Variants in SH2B2 observed in about 807,000 individuals in gnomAD.
The protein encoded by SH2B2 is SH2B adapter protein 2.
SH2B2 carries 37 observed loss-of-function variants against 35.7 expected under a neutral mutation model. That is an observed-to-expected ratio of 1.04 (90% CI 0.80 to 1.36). The LOEUF (loss-of-function observed/expected upper bound fraction) is 1.36. SH2B2 is among the 40% of genes most tolerant of loss of function. SH2B2 has a pLI of 0.00. For synonymous variants in SH2B2, 383 were observed against 376.4 expected, an observed-to-expected ratio of 1.02 and a Z score of -0.20; for missense variants, 852 against 817.7, an observed-to-expected ratio of 1.04 and a Z score of -0.51.
chr7:102,300,817 C>A lies in SH2B2; in HGVS notation c.267C>A (p.Gly89=). Residue 89 remains glycine, a synonymous_variant, in exon 2 of 9, where the codon GGC becomes GGA. Transcript: ENST00000444095. The part of the protein sequence containing the change: ...RVLVAGPTTR[G]AAVSAEAMEP... ...TGGTGGCTGGGCCGACGACTCGGGG[C>A]GCGGCCGTGAGCGCAGAGGCCATGG... The A allele has an allele frequency of 6.8e-7, 1 of 1,481,170 alleles. No individual in the cohort carries two copies. The highest frequency in any genetic ancestry group is 2.4e-5 in the Admixed American group (1 of 42,112). The allele number at this position is 1,481,170 out of a possible 1,614,324, so 91.8% of individuals were successfully genotyped here.
chr7:102,314,681 A>C lies in SH2B2; in HGVS notation c.1185A>C (p.Thr395=). ...PGGSGSDSNN[T]GEQGAETDPE... Reference sequence around the variant, plus strand: ...GCAGCGGCAGTGACAGCAATAACACAGGTGCCAGTGGGGACAGCCTGCTCT... The same window carrying C: ...GCAGCGGCAGTGACAGCAATAACACCGGTGCCAGTGGGGACAGCCTGCTCT... Residue 395 remains threonine, a splice_region_variant and synonymous_variant, in exon 6 of 9, where the codon ACA becomes ACC. Coordinates refer to ENST00000444095, the MANE Select transcript of SH2B2 (RefSeq NM_001359228.2). The C allele has an allele frequency of 5.0e-6, 2 of 398,642 alleles. No homozygotes were observed. The highest frequency in any genetic ancestry group is 8.8e-6 in the Non-Finnish European group (2 of 226,160). The allele number at this position is 398,642 out of a possible 1,614,324, so 24.7% of individuals were successfully genotyped here.
rs1794080560 is a variant in SH2B2, at chr7:102,321,467, G to C, written c.1736G>C (p.Gly579Ala). The change falls in exon 9 of 9, where the codon GGG becomes GCG. Residue 579 changes from glycine to alanine, a missense_variant. By Grantham distance (60) the Gly-to-Ala change is moderately conservative (BLOSUM62 0). This residue lies in a region of SH2B2 where 556 missense variants were observed against 514.5 expected (regional missense o/e 1.08). Coordinates refer to ENST00000444095, the MANE Select transcript of SH2B2 (RefSeq NM_001359228.2). ...GCCTCGTCGTCCTCTGCCGCGTCGGGGCCCGCCCCCCCGCGCCCCGTCGAG... is the reference window on the plus strand; with the variant it reads ...GCCTCGTCGTCCTCTGCCGCGTCGGCGCCCGCCCCCCCGCGCCCCGTCGAG... ...SSASSSSAAS[G>A]PAPPRPVEGQ... is the part of the protein sequence containing the mutation. The C allele has an allele frequency of 1.7e-6, 2 of 1,206,936 alleles. No individual in the cohort carries two copies. Among genetic ancestry groups the C allele is most frequent in the Non-Finnish European group, 2.1e-6 (2 of 969,102 alleles). The allele number at this position is 1,206,936 out of a possible 1,614,324, so 74.8% of individuals were successfully genotyped here.
chr7:102,320,284 T>C (rs1554558078), intron 7 of SH2B2, 47 bp from the exon 8 acceptor site: 3 of 1,501,748 alleles, frequency 2.0e-6, no homozygotes, highest in Admixed American at 3.4e-5. Flanking sequence ...CTTACCCAGG[T>C]GCCCAGCCCC....
intron 8 of SH2B2, 43 bp downstream of exon 8, chr7:102,320,545 T>C (rs782012759): frequency 1.2e-5 from 19 of 1,586,862 alleles, no homozygotes; most frequent in Non-Finnish European, 1.6e-5. Context: ...TCAAGAAGAC[T>C]TCCCGTTGAT....
At chr7:102,288,833 C>T (rs1460685903) in intron 1 of SH2B2, among the ~76,000 whole-genome samples, 10 of 152,216 alleles carry the variant, frequency 6.6e-5, no homozygotes, top group African/African-American at 1.7e-4. Flanking sequence ...CCGCAGTCAA[C>T]GAGCCAGGCC....
At chr7:102,289,851 A>T (rs915856770) in intron 1 of SH2B2, among the ~76,000 whole-genome samples, 1 of 151,848 alleles carries the variant, frequency 6.6e-6, no homozygotes, top group Non-Finnish European at 1.5e-5. Flanking sequence ...CTGCTCTGCA[A>T]CCCCAGAAAG....
chr7:102,320,658 C>G (rs1181571259), intron 8 of SH2B2, among the ~76,000 whole-genome samples, 156 bp downstream of exon 8: 1 of 151,988 alleles, frequency 6.6e-6, no homozygotes, highest in Non-Finnish European at 1.5e-5. Context: ...CAATTTCAAG[C>G]AGTCACGTCA....
At chr7:102,320,208 C>T (rs1793999294) in intron 7 of SH2B2, 123 bp from the exon 8 acceptor site, 5 of 810,050 alleles carry the variant, frequency 6.2e-6, no homozygotes, top group African/African-American at 1.7e-5. Flanking sequence ...GTGAGGGGCC[C>T]CCGGCCCTGA....
intron 3 of SH2B2, among the ~76,000 whole-genome samples, 163 bp from the exon 4 acceptor site, chr7:102,308,652 G>A (rs1793494061): frequency 6.6e-6 from 1 of 152,220 alleles, no homozygotes; most frequent in South Asian, 2.1e-4. Flanking sequence ...TGAGTTCCAG[G>A]TGGTGCCCGA....
Position 102,321,618 on chromosome 7 carries a change from C to A in SH2B2, c.1887C>A (p.Tyr629Ter). 1.1e-5 allele frequency: 13 copies of A among 1,153,074 alleles called. No homozygotes were observed. Among genetic ancestry groups the A allele is most frequent in the Non-Finnish European group, 1.2e-5 (11 of 936,682 alleles). The allele number at this position is 1,153,074 out of a possible 1,614,324, so 71.4% of individuals were successfully genotyped here. Residue 629 changes from tyrosine (Y) to a stop codon, truncating the protein, a stop_gained, in exon 9 of 9, where the codon TAC (tyrosine) becomes TAA (stop). Coordinates refer to ENST00000444095, the MANE Select transcript of SH2B2 (RefSeq NM_001359228.2). LOFTEE classifies it high-confidence loss of function. Reference sequence around the variant, plus strand: ...GCGCGCGCGCCGTGGAGAACCAGTACTCCTTCTACTAGCCCGCGGCGCCGC... The same window carrying A: ...GCGCGCGCGCCGTGGAGAACCAGTAATCCTTCTACTAGCCCGCGGCGCCGC... ...PGRARAVENQ[Y>*]SFY
At chr7:102,305,020 C>T (rs3891657) in intron 2 of SH2B2, among the ~76,000 whole-genome samples, 2 of 152,318 alleles carry the variant, frequency 1.3e-5, no homozygotes, top group East Asian at 1.9e-4. Context: ...TGAGGCAGAG[C>T]GAGTGGGGCC....
intron 1 of SH2B2, among the ~76,000 whole-genome samples, chr7:102,292,554 T>C (rs747289800): frequency 1.5e-4 from 22 of 146,314 alleles, no homozygotes; most frequent in Non-Finnish European, 2.9e-4. Context: ...AAAAATTACC[T>C]GGCCATGGCG....
chr7:102,305,893 C>CTTTTTTTTTTTTTTT, intron 2 of SH2B2, among the ~76,000 whole-genome samples: 1 of 107,306 alleles, frequency 9.3e-6, no homozygotes, highest in Non-Finnish European at 1.9e-5. Context: ...TTTTTTTTTT[C>CTTTTTTTTTTTTTTT]TTTTTTTTTT....
chr7:102,316,953 AGGTTACAGTCAGCCACCGG>A lies in SH2B2; in HGVS notation c.1187-232_1187-214del, dbSNP rs1164086466. On this transcript the variant is annotated intron_variant, in intron 6 of 8. Coordinates refer to ENST00000444095, the MANE Select transcript of SH2B2 (RefSeq NM_001359228.2). ...AGAATCGCTTGAACCCGGAAGGCAG[AGGTTACAGTCAGCCACCGG>A]GATTGCAGCATTGCACTCCAGCCTG... is the stretch of plus-strand genomic sequence containing the variant. 5 of 406,480 alleles carry A rather than the reference AGGTTACAGTCAGCCACCGG, an allele frequency of 1.2e-5. No homozygotes were observed. The Admixed American group carries it at 2.0e-4, about 16-fold the overall frequency. The allele number at this position is 406,480 out of a possible 1,614,324, so 25.2% of individuals were successfully genotyped here. A position where few individuals can be genotyped will look rare whatever the true frequency, so the allele number is the denominator to read the frequency against.
chr7:102,314,830 A>G (rs1793759130), intron 6 of SH2B2, 148 bp downstream of exon 6: 1 of 397,294 alleles, frequency 2.5e-6, no homozygotes, highest in Non-Finnish European at 4.4e-6. Context: ...TCTCCGAAGT[A>G]CTTCTGGCTT....
intron 1 of SH2B2, among the ~76,000 whole-genome samples, chr7:102,287,361 C>A (rs1430601230): frequency 6.6e-6 from 1 of 152,106 alleles, no homozygotes; most frequent in Non-Finnish European, 1.5e-5. Flanking sequence ...GCCTCTGGAG[C>A]AGCTGCGCCC....
intron 6 of SH2B2, among the ~76,000 whole-genome samples, chr7:102,316,887 T>G (rs185981906): frequency 6.9e-4 from 105 of 151,790 alleles, no homozygotes; most frequent in African/African-American, 2.5e-3. Context: ...GGTGTGGTGG[T>G]GGGCGCCTGT....
intron 1 of SH2B2, among the ~76,000 whole-genome samples, chr7:102,291,398 GTTATCTGCACGGAAGAGCAGC>G (rs1792666807): frequency 6.6e-6 from 1 of 152,206 alleles, no homozygotes; most frequent in African/African-American, 2.4e-5. Flanking sequence ...GGACTAGAAA[GTTATCTGCACGGAAGAGCAGC>G]TAGGGAAACT....
At chr7:102,317,459 A>AC in intron 7 of SH2B2, 64 bp downstream of exon 7, 1 of 1,394,892 alleles carries the variant, frequency 7.2e-7, no homozygotes, top group East Asian at 2.5e-5. Context: ...GGTCATGGTG[A>AC]CCCCGGTCCT....
Sources: gnomAD v4.1 joint callset for allele counts (sites outside exome capture counted in the v4.1 genomes callset) on GRCh38, gnomAD v4.1.1 for gene constraint, gnomAD v4.1.1 regional missense constraint, MANE v1.5 for transcripts, NCBI Gene and HGNC (gene_info 2026-07-23, HGNC 2026-07-21) for gene names.